CNTNAP2: variants seen among roughly 807,000 people sequenced by gnomAD.
CNTNAP2 encodes the protein contactin-associated protein-like 2.
A neutral mutation model predicts 155.2 loss-of-function variants in CNTNAP2; 98 were observed. That is an observed-to-expected ratio of 0.63 (90% CI 0.54 to 0.75). The LOEUF is 0.75. Among genes scored for constraint, CNTNAP2 ranks in the 30% least tolerant of loss-of-function variants. The pLI is 0.00. For missense variants in CNTNAP2, 1,727 were observed against 1,688.1 expected, an observed-to-expected ratio of 1.02 and a Z score of -0.40; for synonymous variants, 651 against 631.2, an observed-to-expected ratio of 1.03 and a Z score of -0.47.
intron 1 of CNTNAP2, among the ~76,000 whole-genome samples, chr7:146,507,967 T>A (rs1044719340): frequency 2.0e-5 from 3 of 152,170 alleles, no homozygotes; most frequent in Non-Finnish European, 4.4e-5. Flanking sequence ...CACACAGTGG[T>A]ACTGTCCCAA....
At chr7:147,980,771 A>AAC (rs1801511318) in intron 15 of CNTNAP2, among the ~76,000 whole-genome samples, 1 of 150,148 alleles carries the variant, frequency 6.7e-6, no homozygotes, top group South Asian at 2.1e-4. Flanking sequence ...AAAAATACAA[A>AAC]AAAAAAAAAA....
At chr7:147,923,661 G>A (rs1021319735) in intron 14 of CNTNAP2, among the ~76,000 whole-genome samples, 1 of 146,976 alleles carries the variant, frequency 6.8e-6, no homozygotes, top group African/African-American at 2.5e-5. Flanking sequence ...TTATAGGCAT[G>A]CACCACCATG....
intron 15 of CNTNAP2, among the ~76,000 whole-genome samples, chr7:147,992,087 CTTTTTTTTTTT>C (rs36015914): frequency 5.5e-5 from 4 of 72,774 alleles, no homozygotes; most frequent in African/African-American, 2.3e-4. Context: ...ATTACTACCT[CTTTTTTTTTTT>C]TTTTTTTTTT....
At chr7:146,313,545 TG>T (rs1431690906) in intron 1 of CNTNAP2, among the ~76,000 whole-genome samples, 2 of 152,202 alleles carry the variant, frequency 1.3e-5, no homozygotes. Flanking sequence ...CTGTTTAGTT[TG>T]AGGCAATTCC....
intron 15 of CNTNAP2, among the ~76,000 whole-genome samples, chr7:148,026,048 C>T (rs1166207692): frequency 6.6e-6 from 1 of 152,180 alleles, no homozygotes; most frequent in Admixed American, 6.5e-5. Context: ...AAAGGTAAGG[C>T]AAGGGCAGAG....
intron 1 of CNTNAP2, among the ~76,000 whole-genome samples, chr7:146,581,129 C>T (rs1041422038): frequency 1.3e-5 from 2 of 152,040 alleles, no homozygotes; most frequent in Non-Finnish European, 2.9e-5. Context: ...TAATCAATGC[C>T]ACAAAACATA....
At chr7:148,041,247 T>C (rs1802669291) in intron 15 of CNTNAP2, among the ~76,000 whole-genome samples, 1 of 152,174 alleles carries the variant, frequency 6.6e-6, no homozygotes, top group Non-Finnish European at 1.5e-5. Flanking sequence ...TCATAAAAAG[T>C]GTCTTGGAGA....
At chr7:146,792,539 G>A (rs1563232683) in intron 2 of CNTNAP2, among the ~76,000 whole-genome samples, 2 of 152,194 alleles carry the variant, frequency 1.3e-5, no homozygotes, top group Admixed American at 6.5e-5. Context: ...GTCAAAATCA[G>A]TGTTGAAAGG....
chr7:148,272,344 A>G (rs921368144), intron 21 of CNTNAP2, among the ~76,000 whole-genome samples: 1 of 152,186 alleles, frequency 6.6e-6, no homozygotes, highest in Non-Finnish European at 1.5e-5. Context: ...CATAGACTTT[A>G]TCTTTCAGCA....
chr7:147,902,810 GTGTA>G (rs1208097702), intron 13 of CNTNAP2, among the ~76,000 whole-genome samples: 1,846 of 130,096 alleles, frequency 0.014, 15 homozygotes, highest in Non-Finnish European at 0.021. Context: ...GTGTGTGTGT[GTGTA>G]TGTGTGTGTG....
intron 1 of CNTNAP2, among the ~76,000 whole-genome samples, chr7:146,478,317 G>A (rs10279409): frequency 0.21 from 31,940 of 151,826 alleles, 4,702 homozygotes; most frequent in African/African-American, 0.42. Context: ...AAGAAAACGA[G>A]AAAAAGAAAA....
intron 1 of CNTNAP2, among the ~76,000 whole-genome samples, chr7:146,578,217 A>G (rs1276125897): frequency 7.9e-5 from 12 of 152,164 alleles, no homozygotes; most frequent in Admixed American, 7.2e-4. Context: ...ACGTGAAATT[A>G]AACTGTGTAA....
intron 10 of CNTNAP2, 98 bp from the exon 11 acceptor site, chr7:147,485,837 G>A (rs547851540): frequency 1.8e-6 from 2 of 1,132,352 alleles, no homozygotes; most frequent in South Asian, 1.2e-5. Context: ...AGGCAACCTG[G>A]CATTGAAATG....
chr7:146,526,224 T>C (rs776252764), intron 1 of CNTNAP2, among the ~76,000 whole-genome samples: 2 of 152,160 alleles, frequency 1.3e-5, no homozygotes, highest in African/African-American at 2.4e-5. Context: ...AACAACATAT[T>C]TGATGATGTG....
intron 3 of CNTNAP2, among the ~76,000 whole-genome samples, chr7:146,902,249 G>T (rs1412441530): frequency 6.6e-6 from 1 of 152,080 alleles, no homozygotes; most frequent in African/African-American, 2.4e-5. Context: ...AGGGGAGATT[G>T]TGGCTTTCAT....
At chr7:148,290,683 TA>T (rs1797173811) in intron 21 of CNTNAP2, among the ~76,000 whole-genome samples, 1 of 152,176 alleles carries the variant, frequency 6.6e-6, no homozygotes, top group Admixed American at 6.5e-5. Context: ...TTCATTAAGG[TA>T]GTTGTTCATT....
intron 1 of CNTNAP2, among the ~76,000 whole-genome samples, chr7:146,202,387 A>G (rs1212929796): frequency 2.0e-5 from 3 of 152,204 alleles, no homozygotes; most frequent in African/African-American, 4.8e-5. Context: ...TCTTGAGTGA[A>G]TTTCTCAGAT....
At chr7:148,019,958 T>TC (rs1802252690) in intron 15 of CNTNAP2, among the ~76,000 whole-genome samples, 1 of 152,198 alleles carries the variant, frequency 6.6e-6, no homozygotes, top group South Asian at 2.1e-4. Context: ...CTAATTTCTG[T>TC]ATTTTTAGTA....
chr7:148,215,770 A>G (rs1197832046), intron 18 of CNTNAP2, among the ~76,000 whole-genome samples: 3 of 152,128 alleles, frequency 2.0e-5, no homozygotes, highest in African/African-American at 7.2e-5. Flanking sequence ...AGGCTGAGAA[A>G]GTTTCAAGAC....
Sources: allele counts gnomAD v4.1 joint callset (sites outside exome capture counted in the v4.1 genomes callset), GRCh38; gene constraint gnomAD v4.1.1; transcripts MANE v1.5; gene names NCBI Gene and HGNC (gene_info 2026-07-23, HGNC 2026-07-21).